The following MACF1 variants were observed in gnomAD, a reference collection of about 807,000 sequenced individuals.
MACF1 encodes microtubule actin crosslinking factor 1, also known as microtubule-actin cross-linking factor 1.
MACF1 carries 193 observed loss-of-function variants against 854.8 expected under a neutral mutation model. The observed-to-expected ratio is 0.23, with a 90% CI of 0.20 to 0.25. The LOEUF (loss-of-function observed/expected upper bound fraction) is 0.25, where lower values mean the gene tolerates loss of function less well. Ranked by LOEUF, MACF1 falls within the 10% of genes least tolerant of loss-of-function variation. The pLI is 1.00. For missense variants in MACF1, 7,722 were observed against 8,929.1 expected, an observed-to-expected ratio of 0.86 and a Z score of 5.45; for synonymous variants, 3,185 against 3,226.7, an observed-to-expected ratio of 0.99 and a Z score of 0.44.
chr1:39,445,159 A>G (rs546220270), intron 80 of MACF1, among the ~76,000 whole-genome samples: 3 of 152,324 alleles, frequency 2.0e-5, no homozygotes, highest in Non-Finnish European at 4.4e-5. Context: ...GAGATTGGGG[A>G]CAGGGCATAT....
In MACF1 at chr1:39,453,845, G is replaced by A. The variant is rs779286231; in HGVS notation, c.20881G>A (p.Glu6961Lys). ...HWITIIRARF[E>K]EVLTWAKQHQ... The stretch of plus-strand genomic sequence containing the variant: ...GATCACCATCATCCGAGCTCGCTTC[G>A]AGGAGGTGAGTCCCTGGTTCAGAGG... The change falls in exon 88 of 101, where the codon GAG becomes AAG. Residue 6961 changes from glutamate (E) to lysine (K), a missense_variant. Glu to Lys is a moderately conservative substitution (Grantham distance 56). This residue lies in a region of MACF1 where 729 missense variants were observed against 900.5 expected (regional missense o/e 0.81). Transcript: ENST00000564288. The A allele has an allele frequency of 3.1e-6, 5 of 1,614,024 alleles. No homozygotes were observed. The highest frequency in any genetic ancestry group is 2.2e-5 in the East Asian group (1 of 44,894).
At chr1:39,319,525 C>A in intron 30 of MACF1, 139 bp from the exon 31 acceptor site, 1 of 575,636 alleles carries the variant, frequency 1.7e-6, no homozygotes, top group Non-Finnish European at 3.1e-6. Flanking sequence ...TGAGGCCCAG[C>A]AGTATGTGTT....
intron 53 of MACF1, 65 bp downstream of exon 53, chr1:39,378,588 C>A: frequency 6.9e-7 from 1 of 1,457,402 alleles, no homozygotes; most frequent in Non-Finnish European, 9.6e-7. Context: ...ATGTTTGCAT[C>A]TGTGTATGTT....
At chr1:39,231,552 T>G (rs541289769) in intron 2 of MACF1, among the ~76,000 whole-genome samples, 1 of 152,306 alleles carries the variant, frequency 6.6e-6, no homozygotes, top group Non-Finnish European at 1.5e-5. Flanking sequence ...GCATGGAAAC[T>G]TGTATTAATC....
intron 2 of MACF1, among the ~76,000 whole-genome samples, chr1:39,095,394 C>A (rs12128813): frequency 6.6e-6 from 1 of 150,834 alleles, no homozygotes; most frequent in Non-Finnish European, 1.5e-5. Context: ...AACCCTGTCT[C>A]TATTAAAAAT....
intron 1 of MACF1, among the ~76,000 whole-genome samples, chr1:39,220,050 G>A (rs1165237745): frequency 6.6e-6 from 1 of 151,730 alleles, no homozygotes; most frequent in Non-Finnish European, 1.5e-5. Context: ...ACAGTGCCTG[G>A]CCTGAAAATA....
Position 39,434,597 on chromosome 1 carries a change from C to T in MACF1, c.17749C>T (p.His5917Tyr). The T allele has an allele frequency of 3.7e-6, 6 of 1,614,144 alleles. No individual in the cohort carries two copies. The highest frequency in any genetic ancestry group is 5.1e-6 in the Non-Finnish European group (6 of 1,180,008). ...IAQLPSPAID[H>Y]EQLRQQQEEM... ...ACAGTTACCCTCTCCAGCCATTGAT[C>T]ATGAGCAGCTCAGGCAGCAACAAGA... Residue 5917 changes from histidine (H) to tyrosine (Y), a missense_variant, in exon 69 of 101, where the codon CAT becomes TAT. Physicochemically the swap from His to Tyr is moderately conservative, Grantham distance 83 (BLOSUM62 2). Transcript: ENST00000564288.
At chr1:39,107,719 G>A (rs1251214403) in intron 2 of MACF1, among the ~76,000 whole-genome samples, 1 of 152,200 alleles carries the variant, frequency 6.6e-6, no homozygotes, top group Non-Finnish European at 1.5e-5. Flanking sequence ...AGGAGTTTGT[G>A]AGGATCATGC....
intron 2 of MACF1, among the ~76,000 whole-genome samples, chr1:39,101,374 GTATA>G (rs112843404): frequency 1.6e-5 from 2 of 124,118 alleles, no homozygotes; most frequent in Admixed American, 8.9e-5. Context: ...AAAAAAATAT[GTATA>G]TATATATATA....
At chr1:39,364,301 A>G (rs1648480230) in intron 49 of MACF1, among the ~76,000 whole-genome samples, 1 of 150,270 alleles carries the variant, frequency 6.7e-6, no homozygotes, top group Admixed American at 6.6e-5. Flanking sequence ...AGAGTCATTT[A>G]TTTGTGAACT....
Position 39,460,813 on chromosome 1 carries a change from C to T in MACF1, c.21523+19C>T, listed in dbSNP as rs1480616933. ...GCATCCAGTGAGTCTAGTCATCATT[C>T]CAAACATGGGTCACACCTGGATTCC... On this transcript the variant is annotated intron_variant, in intron 92 of 100. Coordinates refer to ENST00000564288, the MANE Select transcript of MACF1 (RefSeq NM_001394062.1). The surrounding 1 kb of genome is among the most constrained non-coding windows in gnomAD (Gnocchi z 4.1). The T allele has an allele frequency of 1.3e-5, 21 of 1,613,420 alleles. No individual in the cohort carries two copies. The highest frequency in any genetic ancestry group is 1.7e-5 in the Non-Finnish European group (20 of 1,179,428).
At chr1:39,313,001 T>C (rs1217309831) in intron 26 of MACF1, among the ~76,000 whole-genome samples, 1 of 152,252 alleles carries the variant, frequency 6.6e-6, no homozygotes, top group Admixed American at 6.5e-5. Flanking sequence ...TGCATTTGGT[T>C]GCTGTGTATC....
chr1:39,156,837 A>G lies in MACF1; in HGVS notation c.220+72399A>G, dbSNP rs183183993. 5.3e-5 allele frequency among the ~76,000 whole-genome samples: 8 copies of G among 152,222 alleles called. No homozygotes were observed. In the East Asian group the frequency reaches 1.5e-3, roughly 29 times the overall value. On this transcript the variant is annotated intron_variant, in intron 2 of 93. Transcript: ENST00000361689. ...GCATTTTGAGAAAAATGAACCATGTATTTGTGTTTCTCCATAACTCCTAAT... is the reference window on the plus strand; with the variant it reads ...GCATTTTGAGAAAAATGAACCATGTGTTTGTGTTTCTCCATAACTCCTAAT...
intron 1 of MACF1, among the ~76,000 whole-genome samples, chr1:39,210,307 G>A (rs1644500300): frequency 6.6e-6 from 1 of 151,620 alleles, no homozygotes; most frequent in Admixed American, 6.6e-5. Context: ...ACATATCTTT[G>A]CTCAAATAGC....
chr1:39,262,521 A>T (rs1645176018), intron 6 of MACF1, among the ~76,000 whole-genome samples: 1 of 151,844 alleles, frequency 6.6e-6, no homozygotes, highest in Non-Finnish European at 1.5e-5. Context: ...AAATAACTTG[A>T]CAGAGGTTTA....
At chr1:39,295,180 A>G in intron 19 of MACF1, 30 bp downstream of exon 19, 1 of 1,539,830 alleles carries the variant, frequency 6.5e-7, no homozygotes, top group Non-Finnish European at 9.0e-7. Context: ...GTGAAGGTCA[A>G]ATGCTGAGAG....
At chr1:39,147,446 C>T (rs1003173639) in intron 2 of MACF1, among the ~76,000 whole-genome samples, 2 of 147,700 alleles carry the variant, frequency 1.4e-5, no homozygotes, top group South Asian at 2.1e-4. Flanking sequence ...TCCTTTCTTT[C>T]CTCTTTCTTT....
intron 14 of MACF1, 146 bp downstream of exon 14, chr1:39,285,904 G>A (rs1645632495): frequency 1.2e-6 from 1 of 848,470 alleles, no homozygotes; most frequent in Non-Finnish European, 1.8e-6. Context: ...GGTCTCTTGG[G>A]CAGGAATGTT....
chr1:39,414,637 T>C (rs769967628), intron 58 of MACF1: 12 of 1,142,920 alleles, frequency 1.0e-5, no homozygotes, highest in Non-Finnish European at 1.5e-5. Flanking sequence ...TTGGGGAAAA[T>C]ATACTTTAAT....
Sources: gnomAD v4.1 joint callset for allele counts (sites outside exome capture counted in the v4.1 genomes callset) on GRCh38, gnomAD v4.1.1 for gene constraint, gnomAD v4.1.1 regional missense constraint, Gnocchi (gnomAD v3.1) non-coding constraint, MANE v1.5 for transcripts, NCBI Gene and HGNC (gene_info 2026-07-23, HGNC 2026-07-21) for gene names.